The following TMC5 variants were observed in gnomAD, a reference collection of about 807,000 sequenced individuals.
The protein encoded by TMC5 is transmembrane channel like 5.
A neutral mutation model predicts 110.5 loss-of-function variants in TMC5; 86 were observed. The observed-to-expected ratio is 0.78, with a 90% CI of 0.65 to 0.93. TMC5 has a LOEUF of 0.93. Ranked by LOEUF, TMC5 falls within the 40% of genes least tolerant of loss-of-function variation. The pLI is 0.00. For missense variants in TMC5, 1,144 were observed against 1,222.8 expected, an observed-to-expected ratio of 0.94 and a Z score of 0.96; for synonymous variants, 455 against 439.5, an observed-to-expected ratio of 1.04 and a Z score of -0.44.
chr16:19,487,079 C>T lies in TMC5; in HGVS notation c.2439+59C>T, dbSNP rs370333096. ...TGTTCAGTCACCTGTGACCTGGTGGCGCTTAAAGCTGGGGAAGGGGGCTCT... is the reference window on the plus strand; with the variant it reads ...TGTTCAGTCACCTGTGACCTGGTGGTGCTTAAAGCTGGGGAAGGGGGCTCT... On this transcript the variant is annotated intron_variant, in intron 16 of 21. Coordinates refer to ENST00000542583, the MANE Select transcript of TMC5 (RefSeq NM_001261841.2). 386 of 1,608,696 alleles carry T rather than the reference C, an allele frequency of 2.4e-4. 1 individual carries two copies. The African/African-American group carries it at 3.6e-3, about 15-fold the overall frequency.
intron 19 of TMC5, 35 bp downstream of exon 19, chr16:19,492,263 CA>C (rs1420161113): frequency 1.3e-6 from 2 of 1,512,272 alleles, no homozygotes; most frequent in South Asian, 2.3e-5. Flanking sequence ...TGTCCGCCCT[CA>C]CCCTTTTTAA....
At chr16:19,415,903 G>C (rs943933617), upstream of TMC5, among the ~76,000 whole-genome samples, 3 of 152,226 alleles carry the variant, frequency 2.0e-5, no homozygotes, top group African/African-American at 4.8e-5. Flanking sequence ...GATTGGGGCT[G>C]GGTGCAGTGG....
At chr16:19,450,678 C>T (rs749137467) in intron 5 of TMC5, among the ~76,000 whole-genome samples, 19 of 152,240 alleles carry the variant, frequency 1.2e-4, no homozygotes, top group South Asian at 6.2e-4. Flanking sequence ...ATCTCTAATG[C>T]GGGGGAAGGA....
At chr16:19,466,854 A>G (rs1262472267) in intron 9 of TMC5, among the ~76,000 whole-genome samples, 1 of 152,174 alleles carries the variant, frequency 6.6e-6, no homozygotes, top group Non-Finnish European at 1.5e-5. Context: ...TGGAAAATAC[A>G]CATATGAAAG....
In TMC5 at chr16:19,472,109, CAGG is replaced by C; in HGVS notation, c.1807_1809del (p.Glu603del). 1.2e-6 allele frequency: 2 copies of C among 1,614,148 alleles called. No individual in the cohort carries two copies. Among genetic ancestry groups the C allele is most frequent in the Non-Finnish European group, 1.7e-6 (2 of 1,179,990 alleles). ...CTAGGAGAACCTGTCAGAGCTCCGTCAGGAGAATTCCAAGTTGACGTTCAATCA... is the reference window on the plus strand; with the variant it reads ...CTAGGAGAACCTGTCAGAGCTCCGTCAGAATTCCAAGTTGACGTTCAATCA... On this transcript the variant is annotated inframe_deletion, in exon 11 of 22. Transcript: ENST00000542583.
intron 19 of TMC5, among the ~76,000 whole-genome samples, chr16:19,493,086 C>T (rs997366812): frequency 2.0e-5 from 3 of 151,184 alleles, no homozygotes; most frequent in African/African-American, 7.3e-5. Context: ...CTCAGCTTCC[C>T]GCATAGCTGG....
At chr16:19,485,311 A>G (rs1968713076) in intron 15 of TMC5, among the ~76,000 whole-genome samples, 1 of 152,132 alleles carries the variant, frequency 6.6e-6, no homozygotes, top group Non-Finnish European at 1.5e-5. Context: ...GAGAGAGTTT[A>G]AGTAACTTGC....
upstream of TMC5, among the ~76,000 whole-genome samples, chr16:19,414,240 T>G (rs1356865801): frequency 6.6e-6 from 1 of 151,922 alleles, no homozygotes; most frequent in Non-Finnish European, 1.5e-5. Context: ...TTCCAGAAGG[T>G]TCTCCCTCTT....
intron 1 of TMC5, 58 bp downstream of exon 1, chr16:19,418,150 T>A (rs1966900108): frequency 6.6e-6 from 1 of 152,206 alleles, no homozygotes. Flanking sequence ...GCGGAATGCT[T>A]GGGAACGTGT....
chr16:19,447,034 A>T (rs537751420), intron 4 of TMC5, among the ~76,000 whole-genome samples: 1 of 152,160 alleles, frequency 6.6e-6, no homozygotes, highest in South Asian at 2.1e-4. Flanking sequence ...AACAACAACA[A>T]CAACAACTAT....
rs545455373 is a variant in TMC5, at chr16:19,466,631, C to T, written c.1637+398C>T. Among the ~76,000 whole-genome samples, 21 of 152,290 alleles carry T rather than the reference C, an allele frequency of 1.4e-4. No homozygotes were observed. The South Asian group carries it at 3.7e-3, about 27-fold the overall frequency. ...CCTCCCATAGTCCTGGGATTACAGGCGTGAGCCACCGTGCCCAGCCTGCAG... is the reference window on the plus strand; with the variant it reads ...CCTCCCATAGTCCTGGGATTACAGGTGTGAGCCACCGTGCCCAGCCTGCAG... On this transcript the variant is annotated intron_variant, in intron 9 of 21. Coordinates refer to ENST00000542583, the MANE Select transcript of TMC5 (RefSeq NM_001261841.2).
chr16:19,484,530 G>A (rs1283333000), intron 15 of TMC5, among the ~76,000 whole-genome samples: 1 of 152,126 alleles, frequency 6.6e-6, no homozygotes, highest in Non-Finnish European at 1.5e-5. Context: ...GGGAGGCTGA[G>A]GCAGGCAGAT....
intron 5 of TMC5, among the ~76,000 whole-genome samples, chr16:19,450,647 T>C (rs552851376): frequency 1.2e-4 from 19 of 152,218 alleles, no homozygotes; most frequent in African/African-American, 4.3e-4. Flanking sequence ...CATTAGGAAG[T>C]CTTGCTTCCT....
At chr16:19,434,358 TA>T (rs1890588055) in intron 2 of TMC5, among the ~76,000 whole-genome samples, 1 of 107,334 alleles carries the variant, frequency 9.3e-6, no homozygotes, top group Non-Finnish European at 1.7e-5. Flanking sequence ...TGATCTATAT[TA>T]TATATATAAT....
At chr16:19,418,936 C>T (rs1247813270) in intron 1 of TMC5, among the ~76,000 whole-genome samples, 1 of 152,128 alleles carries the variant, frequency 6.6e-6, no homozygotes, top group African/African-American at 2.4e-5. Context: ...ACTATATTGC[C>T]TAGGATGGTC....
chr16:19,417,174 T>C (rs1004671682), upstream of TMC5, among the ~76,000 whole-genome samples: 1 of 149,872 alleles, frequency 6.7e-6, no homozygotes, highest in Non-Finnish European at 1.5e-5. Context: ...ATCTCAGCAG[T>C]TTTGGAGACC....
At chr16:19,496,639 C>A (rs1004970858) in intron 20 of TMC5, among the ~76,000 whole-genome samples, 1 of 151,980 alleles carries the variant, frequency 6.6e-6, no homozygotes, top group African/African-American at 2.4e-5. Flanking sequence ...AATCCCAGCA[C>A]TTTGGGAGGC....
At chr16:19,456,945 T>C (rs756659200) in intron 5 of TMC5, 7 of 1,614,246 alleles carry the variant, frequency 4.3e-6, no homozygotes, top group South Asian at 3.3e-5. Flanking sequence ...AATGAGTCGA[T>C]GTCTCAGACC....
chr16:19,436,309 A>G (rs918697468), intron 2 of TMC5, among the ~76,000 whole-genome samples: 2 of 151,312 alleles, frequency 1.3e-5, no homozygotes, highest in African/African-American at 4.8e-5. Context: ...AAAGAAAAAC[A>G]GTTTCCGTGA....
Sources: gnomAD v4.1 joint callset for allele counts (sites outside exome capture counted in the v4.1 genomes callset) on GRCh38, gnomAD v4.1.1 for gene constraint, MANE v1.5 for transcripts, NCBI Gene and HGNC (gene_info 2026-07-23, HGNC 2026-07-21) for gene names.